The following ICOS variants were observed in gnomAD, a reference collection of about 807,000 sequenced individuals.
ICOS encodes the protein inducible T cell costimulator, also known as inducible T-cell costimulator.
Under a neutral mutation model 24.6 loss-of-function variants are expected in ICOS, and 15 were observed. The ratio of observed to expected loss-of-function variants is 0.61; its 90% CI spans 0.41 to 0.94. The LOEUF is 0.94. ICOS is among the 40% of genes least tolerant of loss of function. The pLI, the probability that ICOS is intolerant of heterozygous loss-of-function variation, is 0.00. For missense variants in ICOS, 200 were observed against 233.0 expected (o/e 0.86, Z 0.92); for synonymous variants, 89 against 77.5 (o/e 1.15, Z -0.78).
chr2:203,958,171 G>T (rs572760853), intron 4 of ICOS, among the ~76,000 whole-genome samples: 1 of 152,158 alleles, frequency 6.6e-6, no homozygotes, highest in Non-Finnish European at 1.5e-5. Flanking sequence ...TGTTTCAAAA[G>T]TTGGGATGAT....
chr2:203,955,064 T>G (rs1403676182), intron 1 of ICOS, among the ~76,000 whole-genome samples: 1 of 152,000 alleles, frequency 6.6e-6, no homozygotes, highest in Non-Finnish European at 1.5e-5. Flanking sequence ...GGTAGACAAT[T>G]CCTTCTCCCC....
chr2:203,938,538 T>C (rs933223218), intron 1 of ICOS, among the ~76,000 whole-genome samples: 2 of 152,198 alleles, frequency 1.3e-5, no homozygotes, highest in Non-Finnish European at 2.9e-5. Flanking sequence ...TCAGACCATA[T>C]AGTCTATGTT....
chr2:203,938,617 A>G (rs1303633187), intron 1 of ICOS, among the ~76,000 whole-genome samples: 2 of 152,234 alleles, frequency 1.3e-5, no homozygotes, highest in South Asian at 2.1e-4. Context: ...ATTGATAAAA[A>G]TCATTCAACT....
intron 1 of ICOS, among the ~76,000 whole-genome samples, chr2:203,948,020 C>G (rs1689903928): frequency 6.6e-6 from 1 of 152,140 alleles, no homozygotes; most frequent in African/African-American, 2.4e-5. Context: ...TCCAAGTGAG[C>G]AACCAGGTTT....
At position 203,956,762 on chromosome 2, in the gene ICOS, A is replaced by T. The variant is rs1690084703; in HGVS notation, c.498A>T (p.Lys166Asn). The change falls in exon 3 of 5, where the codon AAA becomes AAT. Residue 166 changes from lysine (K) to asparagine (N), a missense_variant. Physicochemically the swap from Lys to Asn is moderately conservative, Grantham distance 94. Transcript: ENST00000316386. Reference sequence around the variant, plus strand: ...GCATACTTATTTGTTGGCTTACAAAAAAGGTAAGCGATTTCTATCTTTCCT... The same window carrying T: ...GCATACTTATTTGTTGGCTTACAAATAAGGTAAGCGATTTCTATCTTTCCT... ...LGCILICWLT[K>N]KKYSSSVHDP... The T allele has an allele frequency of 6.3e-7, 1 of 1,597,618 alleles. No homozygotes were observed. The highest frequency in any genetic ancestry group is 1.7e-5 in the Admixed American group (1 of 59,934).
chr2:203,954,126 TAAAAC>T (rs1452316386), intron 1 of ICOS, among the ~76,000 whole-genome samples: 2 of 151,914 alleles, frequency 1.3e-5, no homozygotes, highest in Non-Finnish European at 2.9e-5. Flanking sequence ...AAAAGGAAAA[TAAAAC>T]AAAAAGAAAG....
At chr2:203,957,439 T>C in intron 3 of ICOS, among the ~76,000 whole-genome samples, 1 of 152,202 alleles carries the variant, frequency 6.6e-6, no homozygotes, top group East Asian at 1.9e-4. Flanking sequence ...ACTCTGCATA[T>C]TACGCGAGTA....
intron 1 of ICOS, among the ~76,000 whole-genome samples, chr2:203,953,175 G>A (rs1267624630): frequency 2.0e-5 from 3 of 152,090 alleles, no homozygotes; most frequent in Non-Finnish European, 4.4e-5. Flanking sequence ...CAATTTATTG[G>A]GGAGAGGGTT....
At chr2:203,938,077 A>G (rs1445337930) in intron 1 of ICOS, among the ~76,000 whole-genome samples, 1 of 152,206 alleles carries the variant, frequency 6.6e-6, no homozygotes, top group Non-Finnish European at 1.5e-5. Context: ...AACCAGGTCA[A>G]CCCCTGTTCT....
At chr2:203,952,389 T>C (rs1052108208) in intron 1 of ICOS, among the ~76,000 whole-genome samples, 1 of 152,250 alleles carries the variant, frequency 6.6e-6, no homozygotes, top group Non-Finnish European at 1.5e-5. Flanking sequence ...GTATATGTTA[T>C]AATTCCACTG....
At position 203,943,256 on chromosome 2, in the gene ICOS, T is replaced by C. The variant is rs542557995; in HGVS notation, c.58+6384T>C. Among the ~76,000 whole-genome samples, 455 of 152,260 alleles carry C rather than the reference T, an allele frequency of 3.0e-3. 1 individual carries two copies. The highest frequency in any genetic ancestry group is 0.014 in the Middle Eastern group (4 of 294). ...GTTTTGTCATATTACCAGAGTTGGT[T>C]TTCTGGTTCCTTCTCATTTGGGTAG... On this transcript the variant is annotated intron_variant, in intron 1 of 4. Transcript: ENST00000316386.
chr2:203,957,896 T>G lies in ICOS; in HGVS notation c.586+13T>G, dbSNP rs1280630048. ...TCTAGACTCACAGGTATGACTCCAT[T>G]TGGGGGTTTGGGAAGGGAAGAGGTT... is the stretch of plus-strand genomic sequence containing the variant. On this transcript the variant is annotated intron_variant, in intron 4 of 4. Transcript: ENST00000316386. 1.3e-6 allele frequency: 2 copies of G among 1,537,160 alleles called. No individual in the cohort carries two copies.
chr2:203,955,580 A>G, intron 1 of ICOS, 56 bp from the exon 2 acceptor site: 1 of 1,394,372 alleles, frequency 7.2e-7, no homozygotes, highest in Non-Finnish European at 1.0e-6. Flanking sequence ...AAATATAATT[A>G]TTAGGGCAAC....
At chr2:203,936,920 C>A in intron 1 of ICOS, 48 bp downstream of exon 1, 1 of 1,405,970 alleles carries the variant, frequency 7.1e-7, no homozygotes, top group Non-Finnish European at 1.0e-6. Flanking sequence ...TTCAAGTAAA[C>A]ATTAAGAAAA....
rs757439186 is a variant in ICOS, at chr2:203,936,775, G to A, written c.-40G>A. 2 of 1,546,154 alleles carry A rather than the reference G, an allele frequency of 1.3e-6. No homozygotes were observed. The highest frequency in any genetic ancestry group is 1.8e-6 in the Non-Finnish European group (2 of 1,118,300). ...AGAGCCTGAATTCACTGTCAGCTTTGAACACTGAACGCGAGGACTGTTAAC... is the reference window on the plus strand; with the variant it reads ...AGAGCCTGAATTCACTGTCAGCTTTAAACACTGAACGCGAGGACTGTTAAC... On this transcript the variant is annotated 5_prime_UTR_variant, in exon 1 of 5. Transcript: ENST00000316386.
intron 1 of ICOS, among the ~76,000 whole-genome samples, chr2:203,942,582 C>G (rs1270259440): frequency 6.6e-6 from 1 of 152,086 alleles, no homozygotes; most frequent in Non-Finnish European, 1.5e-5. Context: ...ATATAATAAC[C>G]CTTTCAATCA....
Position 203,955,713 on chromosome 2 carries a change from G to A in ICOS, c.136G>A (p.Asp46Asn). ...TGTACAAATTTTATGCAAATATCCT[G>A]ACATTGTCCAGCAATTTAAAATGCA... ...GGVQILCKYP[D>N]IVQQFKMQLL... is the part of the protein sequence containing the mutation. The change falls in exon 2 of 5, where the codon GAC becomes AAC. Residue 46 changes from aspartate to asparagine, a missense_variant. Asp to Asn is a conservative substitution (Grantham distance 23). Coordinates refer to ENST00000316386, the MANE Select transcript of ICOS (RefSeq NM_012092.4). 1 of 1,613,594 alleles carries A rather than the reference G, an allele frequency of 6.2e-7. No homozygotes were observed. Among genetic ancestry groups the A allele is most frequent in the Non-Finnish European group, 8.5e-7 (1 of 1,179,684 alleles).
In ICOS at chr2:203,959,597, T is replaced by A; in HGVS notation, c.598T>A (p.Ter200LysextTer32). 2 of 1,613,288 alleles carry A rather than the reference T, an allele frequency of 1.2e-6. No individual in the cohort carries two copies. Among genetic ancestry groups the A allele is most frequent in the Non-Finnish European group, 1.7e-6 (2 of 1,179,326 alleles). Residue 200 changes from the stop codon to lysine (K), a stop_lost, in exon 5 of 5, where the codon TAA becomes AAA. Coordinates refer to ENST00000316386, the MANE Select transcript of ICOS (RefSeq NM_012092.4). ...KKSRLTDVTL[*>K] ...AATTTTTGTTACAGATGTGACCCTA[T>A]AATATGGAACTCTGGCACCCAGGCA...
At chr2:203,959,147 T>G (rs929324731) in intron 4 of ICOS, among the ~76,000 whole-genome samples, 1 of 152,170 alleles carries the variant, frequency 6.6e-6, no homozygotes, top group Non-Finnish European at 1.5e-5. Context: ...TGGGGTTGCC[T>G]GCGGAGGGCA....
Sources: allele counts gnomAD v4.1 joint callset (sites outside exome capture counted in the v4.1 genomes callset), GRCh38; gene constraint gnomAD v4.1.1; transcripts MANE v1.5; gene names NCBI Gene and HGNC (gene_info 2026-07-23, HGNC 2026-07-21).